S100A8: variants seen among roughly 807,000 people sequenced by gnomAD.
S100A8 encodes protein S100-A8.
A neutral mutation model predicts 4.2 loss-of-function variants in S100A8; 1 was observed. The ratio of observed to expected loss-of-function variants is 0.24; its 90% confidence interval spans 0.08 to 1.12. S100A8 has a LOEUF of 1.12. Ranked by LOEUF, S100A8 falls within the 50% of genes most tolerant of loss-of-function variation. The pLI is 0.53. For synonymous variants in S100A8, 41 were observed against 44.7 expected (o/e 0.92, Z 0.33); for missense variants, 96 against 111.8 (o/e 0.86, Z 0.64).
the S100A8 span, among the ~76,000 whole-genome samples, chr1:153,413,996 T>A: frequency 6.6e-6 from 1 of 152,250 alleles, no homozygotes; most frequent in African/African-American, 2.4e-5. Context: ...TCTTTTTCAT[T>A]TAATCCCTTT....
chr1:153,415,082 C>T, the S100A8 span, among the ~76,000 whole-genome samples: 1 of 152,076 alleles, frequency 6.6e-6, no homozygotes. Context: ...CAGTTCCATC[C>T]ATGTTGCTGC....
chr1:153,419,407 A>C, the S100A8 span: 1 of 1,357,570 alleles, frequency 7.4e-7, no homozygotes, highest in Non-Finnish European at 1.0e-6. Context: ...GGTGACCTAC[A>C]TTGTCAAAAC....
chr1:153,395,131 A>T (rs947420013), upstream of S100A8, among the ~76,000 whole-genome samples: 1 of 152,142 alleles, frequency 6.6e-6, no homozygotes, highest in African/African-American at 2.4e-5. Context: ...GACTCAGATC[A>T]GTGGTTCATG....
upstream of S100A8, among the ~76,000 whole-genome samples, chr1:153,394,999 A>T (rs1662182559): frequency 2.0e-5 from 3 of 152,170 alleles, 1 homozygote; most frequent in South Asian, 6.2e-4. Flanking sequence ...CTGAAGGCAG[A>T]GGAGACCCTC....
At chr1:153,394,626 T>C (rs1662174362), upstream of S100A8, among the ~76,000 whole-genome samples, 1 of 151,778 alleles carries the variant, frequency 6.6e-6, no homozygotes, top group Admixed American at 6.6e-5. Context: ...GGTGCAGACA[T>C]CTCCCAAGGA....
chr1:153,410,862 G>T, the S100A8 span, among the ~76,000 whole-genome samples: 1 of 152,100 alleles, frequency 6.6e-6, no homozygotes, highest in Admixed American at 6.6e-5. Flanking sequence ...CATATAAACA[G>T]AACCAAAGAT....
chr1:153,392,877 C>A (rs539670199), upstream of S100A8, among the ~76,000 whole-genome samples: 1 of 152,188 alleles, frequency 6.6e-6, no homozygotes, highest in Admixed American at 6.5e-5. Flanking sequence ...CCAGCACACA[C>A]AATAACAGCA....
chr1:153,405,683 G>A, the S100A8 span, among the ~76,000 whole-genome samples: 36 of 152,192 alleles, frequency 2.4e-4, no homozygotes, highest in Admixed American at 1.9e-3. Context: ...GCCTGTAAGC[G>A]GCAGGGGGCT....
At chr1:153,395,875 C>A (rs890661462), upstream of S100A8, among the ~76,000 whole-genome samples, 1 of 152,246 alleles carries the variant, frequency 6.6e-6, no homozygotes, top group Non-Finnish European at 1.5e-5. Context: ...ACCTGCCTCC[C>A]GATCCTGGTC....
the S100A8 span, among the ~76,000 whole-genome samples, chr1:153,398,452 C>G: frequency 6.6e-6 from 1 of 152,214 alleles, no homozygotes; most frequent in Non-Finnish European, 1.5e-5. Context: ...ACCTCTCTTC[C>G]TGCTGCCACC....
chr1:153,397,904 C>T, the S100A8 span, among the ~76,000 whole-genome samples: 3 of 152,170 alleles, frequency 2.0e-5, no homozygotes, highest in African/African-American at 4.8e-5. Flanking sequence ...CGTACCCAGG[C>T]GGGGCTGTGA....
At chr1:153,390,353 G>C in intron 2 of S100A8, 42 bp downstream of exon 2, 2 of 1,610,506 alleles carry the variant, frequency 1.2e-6, no homozygotes, top group Admixed American at 1.7e-5. Flanking sequence ...GGCAGCCCCA[G>C]GACCAGGCAG....
the S100A8 span, among the ~76,000 whole-genome samples, chr1:153,413,160 T>C: frequency 6.6e-6 from 1 of 152,146 alleles, no homozygotes; most frequent in Non-Finnish European, 1.5e-5. Flanking sequence ...ACGTTAATTA[T>C]CTAATACAGA....
Position 153,390,257 on chromosome 1 carries a change from G to A in S100A8, c.142-14C>T. 1 of 1,606,612 alleles carries A rather than the reference G, an allele frequency of 6.2e-7. No individual in the cohort carries two copies. On this transcript the variant is annotated splice_polypyrimidine_tract_variant and intron_variant, in intron 2 of 2. Coordinates refer to ENST00000368733, the MANE Select transcript of S100A8 (RefSeq NM_002964.5). ...TGCACCCTTTTTCTGTCAAGATTGA[G>A]GAGGAAGAAGCCAGAGTTTAAAGAT...
chr1:153,399,484 C>T, the S100A8 span, among the ~76,000 whole-genome samples: 4 of 152,144 alleles, frequency 2.6e-5, no homozygotes, highest in Non-Finnish European at 5.9e-5. Context: ...AACTACATCT[C>T]CCTGGGGTGT....
At chr1:153,402,271 G>C in the S100A8 span, among the ~76,000 whole-genome samples, 1 of 152,136 alleles carries the variant, frequency 6.6e-6, no homozygotes, top group Non-Finnish European at 1.5e-5. Context: ...AAAAGCCCAA[G>C]GAATGACAAT....
the S100A8 span, among the ~76,000 whole-genome samples, chr1:153,406,599 C>A: frequency 5.6e-4 from 85 of 152,320 alleles, no homozygotes; most frequent in African/African-American, 2.0e-3. Flanking sequence ...GCAAAAAGAA[C>A]AAATTGCTTT....
the S100A8 span, among the ~76,000 whole-genome samples, chr1:153,403,168 C>T: frequency 6.6e-6 from 1 of 152,192 alleles, no homozygotes; most frequent in African/African-American, 2.4e-5. Flanking sequence ...TTCAAGACCT[C>T]AGTCTTGAAG....
chr1:153,390,852 C>T, intron 1 of S100A8, 189 bp downstream of exon 1: 2 of 468,548 alleles, frequency 4.3e-6, no homozygotes, highest in Non-Finnish European at 6.6e-6. Context: ...ACAATGTGCC[C>T]TTACCCACTG....
Sources: allele counts gnomAD v4.1 joint callset (sites outside exome capture counted in the v4.1 genomes callset), GRCh38; gene constraint gnomAD v4.1.1; transcripts MANE v1.5; gene names NCBI Gene and HGNC (gene_info 2026-07-23, HGNC 2026-07-21).